Variants in STAMBPL1 observed in about 807,000 individuals in gnomAD.
STAMBPL1 encodes AMSH-like protease.
Under a neutral mutation model 52.9 loss-of-function variants are expected in STAMBPL1, and 44 were observed. The ratio of observed to expected loss-of-function variants is 0.83; its 90% CI spans 0.65 to 1.07. The LOEUF is 1.07. Ranked by LOEUF, STAMBPL1 falls within the 50% of genes least tolerant of loss-of-function variation. STAMBPL1 has a pLI of 0.00. For synonymous variants in STAMBPL1, 164 were observed against 177.3 expected (o/e 0.92, Z 0.60); for missense variants, 511 against 520.8 (o/e 0.98, Z 0.18).
intron 2 of STAMBPL1, among the ~76,000 whole-genome samples, chr10:88,904,687 A>G (rs12240659): frequency 0.045 from 6,819 of 152,242 alleles, 510 homozygotes; most frequent in African/African-American, 0.16. Context: ...TCTGAATTGC[A>G]TATGTTCTAT....
At chr10:88,892,907 A>G (rs570783130) in intron 1 of STAMBPL1, among the ~76,000 whole-genome samples, 2 of 152,368 alleles carry the variant, frequency 1.3e-5, no homozygotes, top group South Asian at 4.1e-4. Context: ...CTTTCAGGCA[A>G]CTGGCAGGCA....
At chr10:88,921,168 C>A in intron 8 of STAMBPL1, 115 bp from the exon 9 acceptor site, 2 of 734,526 alleles carry the variant, frequency 2.7e-6, no homozygotes, top group Non-Finnish European at 2.1e-6. Flanking sequence ...TTTAAAAATC[C>A]TTATTTGATT....
At chr10:88,902,508 G>A (rs931056993) in intron 2 of STAMBPL1, among the ~76,000 whole-genome samples, 1 of 152,080 alleles carries the variant, frequency 6.6e-6, no homozygotes, top group Non-Finnish European at 1.5e-5. Context: ...ACAAAGACTA[G>A]CACCAGGACA....
chr10:88,907,656 T>C (rs747426824), intron 3 of STAMBPL1, among the ~76,000 whole-genome samples: 1 of 152,204 alleles, frequency 6.6e-6, no homozygotes, highest in Non-Finnish European at 1.5e-5. Context: ...TGGGCCTTAG[T>C]TCCTCATCTA....
chr10:88,901,702 A>C lies in STAMBPL1; in HGVS notation c.-7A>C. 4 of 1,611,620 alleles carry C rather than the reference A, an allele frequency of 2.5e-6. No individual in the cohort carries two copies. The highest frequency in any genetic ancestry group is 3.4e-6 in the Non-Finnish European group (4 of 1,179,042). On this transcript the variant is annotated 5_prime_UTR_variant, in exon 2 of 11. Transcript: ENST00000371926. ...AGTGAACATCCTCATTTCACAGATA[A>C]GACAACATGGATCAGCCTTTTACTG...
intron 3 of STAMBPL1, among the ~76,000 whole-genome samples, chr10:88,906,452 G>A (rs1194433091): frequency 2.0e-5 from 3 of 152,022 alleles, no homozygotes; most frequent in African/African-American, 4.8e-5. Flanking sequence ...TTAATTGAAA[G>A]TCACATGCCG....
chr10:88,907,560 A>G (rs1033421979), intron 3 of STAMBPL1, among the ~76,000 whole-genome samples: 2 of 152,212 alleles, frequency 1.3e-5, no homozygotes, highest in African/African-American at 2.4e-5. Flanking sequence ...AAAGGCCCCT[A>G]TATCTCAGAA....
intron 1 of STAMBPL1, among the ~76,000 whole-genome samples, chr10:88,892,776 CT>C (rs1844720921): frequency 6.6e-6 from 1 of 152,172 alleles, no homozygotes; most frequent in Non-Finnish European, 1.5e-5. Flanking sequence ...GGATGGCCCT[CT>C]TTTGCTTTTG....
chr10:88,908,554 T>C (rs1240627136), intron 3 of STAMBPL1, 148 bp from the exon 4 acceptor site: 1 of 653,184 alleles, frequency 1.5e-6, no homozygotes, highest in Non-Finnish European at 2.6e-6. Context: ...TGCCAGACTT[T>C]AGTGAAAAGG....
chr10:88,894,023 T>C (rs1217378333), intron 1 of STAMBPL1: 1 of 152,158 alleles, frequency 6.6e-6, no homozygotes, highest in African/African-American at 2.4e-5. Flanking sequence ...TCTTCTAGGC[T>C]TTAGTTTTCT....
chr10:88,888,266 CGAGGGTTT>C (rs1205738956), intron 1 of STAMBPL1, among the ~76,000 whole-genome samples: 48 of 152,184 alleles, frequency 3.2e-4, no homozygotes, highest in African/African-American at 1.0e-3. Flanking sequence ...GAAGGGCTGG[CGAGGGTTT>C]AGACCTCTTC....
intron 1 of STAMBPL1, among the ~76,000 whole-genome samples, chr10:88,886,114 A>G (rs1186037553): frequency 1.3e-5 from 2 of 152,270 alleles, no homozygotes; most frequent in African/African-American, 4.8e-5. Context: ...TGAAAACGCA[A>G]ATTGGAACAC....
At chr10:88,922,219 A>G in intron 9 of STAMBPL1, 118 bp from the exon 10 acceptor site, 1 of 952,376 alleles carries the variant, frequency 1.1e-6, no homozygotes, top group African/African-American at 1.7e-5. Flanking sequence ...TGGAATTCCT[A>G]GTTTGTGATT....
chr10:88,892,803 C>T (rs1403439651), intron 1 of STAMBPL1, among the ~76,000 whole-genome samples: 4 of 152,132 alleles, frequency 2.6e-5, no homozygotes, highest in Non-Finnish European at 5.9e-5. Flanking sequence ...TAGTGCTGGA[C>T]TCAGTCCATT....
At chr10:88,911,333 A>G (rs866387253) in intron 5 of STAMBPL1, among the ~76,000 whole-genome samples, 3 of 152,248 alleles carry the variant, frequency 2.0e-5, no homozygotes, top group Non-Finnish European at 4.4e-5. Flanking sequence ...TTGCCAGATG[A>G]ACAGCCAGTA....
Position 88,897,880 on chromosome 10 carries a change from T to C in STAMBPL1, c.-53-3776T>C, listed in dbSNP as rs1371573695. Among the ~76,000 whole-genome samples, 7 of 152,192 alleles carry C rather than the reference T, an allele frequency of 4.6e-5. No individual in the cohort carries two copies. In the East Asian group the frequency reaches 1.3e-3, roughly 29 times the overall value. On this transcript the variant is annotated intron_variant, in intron 1 of 10. Coordinates refer to ENST00000371926, the MANE Select transcript of STAMBPL1 (RefSeq NM_020799.4). ...ACTGAATACTTCCCATTAGTTAGCA[T>C]CTGTGGATCTCAAGTACTATGAGGT...
intron 5 of STAMBPL1, among the ~76,000 whole-genome samples, chr10:88,911,545 T>C (rs906218330): frequency 1.3e-5 from 2 of 152,222 alleles, no homozygotes; most frequent in Non-Finnish European, 2.9e-5. Flanking sequence ...TATGATAATG[T>C]CTGAGAGGCA....
intron 8 of STAMBPL1, among the ~76,000 whole-genome samples, chr10:88,919,287 T>G (rs959939765): frequency 6.6e-6 from 1 of 152,164 alleles, no homozygotes; most frequent in Non-Finnish European, 1.5e-5. Flanking sequence ...TTCAATGATA[T>G]GACTCATGAA....
At chr10:88,915,158 T>C (rs1845337489) in intron 7 of STAMBPL1, among the ~76,000 whole-genome samples, 1 of 152,196 alleles carries the variant, frequency 6.6e-6, no homozygotes, top group Admixed American at 6.5e-5. Context: ...TACTTAATTA[T>C]GGAAGATGTC....
Sources: gnomAD v4.1 joint callset for allele counts (sites outside exome capture counted in the v4.1 genomes callset) on GRCh38, gnomAD v4.1.1 for gene constraint, MANE v1.5 for transcripts, NCBI Gene and HGNC (gene_info 2026-07-23, HGNC 2026-07-21) for gene names.